GSE1: variants seen among roughly 807,000 people sequenced by gnomAD.
GSE1 encodes the protein genetic suppressor element 1.
In GSE1, 32 loss-of-function variants were observed where a neutral mutation model predicts 112.6. The ratio of observed to expected loss-of-function variants is 0.28; its 90% CI spans 0.21 to 0.38. The LOEUF (loss-of-function observed/expected upper bound fraction) is 0.38, where lower values mean the gene tolerates loss of function less well. GSE1 is among the 10% of genes least tolerant of loss of function. The pLI is 1.00. For synonymous variants in GSE1, 1,115 were observed against 735.6 expected (o/e 1.52, Z -8.35); for missense variants, 2,348 against 1,699.2 (o/e 1.38, Z -6.71).
intron 1 of GSE1, among the ~76,000 whole-genome samples, chr16:85,193,795 A>G (rs1358804056): frequency 6.6e-6 from 1 of 152,168 alleles, no homozygotes; most frequent in Non-Finnish European, 1.5e-5. Flanking sequence ...ATAATTGTAG[A>G]TTGACCTGCA....
intron 2 of GSE1, among the ~76,000 whole-genome samples, chr16:85,385,829 C>T (rs1173537710): frequency 2.0e-5 from 3 of 152,170 alleles, no homozygotes; most frequent in Non-Finnish European, 2.9e-5. Context: ...AGAATGACCG[C>T]GGGTGACCCC....
At chr16:85,481,783 G>A (rs182304717) in intron 2 of GSE1, among the ~76,000 whole-genome samples, 31 of 152,336 alleles carry the variant, frequency 2.0e-4, no homozygotes, top group African/African-American at 6.0e-4. Context: ...GGTGAGAAGC[G>A]TGGAAAAGGT....
intron 2 of GSE1, among the ~76,000 whole-genome samples, chr16:85,474,453 A>G (rs2050390217): frequency 6.6e-6 from 1 of 152,050 alleles, no homozygotes; most frequent in Admixed American, 6.5e-5. Context: ...TGGGGATGCC[A>G]GAGGGGCCAT....
chr16:85,202,242 A>C (rs2075041741), intron 1 of GSE1, among the ~76,000 whole-genome samples: 1 of 152,162 alleles, frequency 6.6e-6, no homozygotes, highest in Non-Finnish European at 1.5e-5. Context: ...CCCCAGCCCC[A>C]ACTGCCTTCT....
chr16:85,522,504 G>C (rs2052221062), intron 2 of GSE1, among the ~76,000 whole-genome samples: 1 of 151,234 alleles, frequency 6.6e-6, no homozygotes, highest in South Asian at 2.1e-4. Context: ...TCGTGAGAGT[G>C]ATTGGATCCA....
chr16:85,238,719 T>C (rs28448630), intron 1 of GSE1, among the ~76,000 whole-genome samples: 1 of 152,092 alleles, frequency 6.6e-6, no homozygotes. Flanking sequence ...CTCAGCAGGG[T>C]GGGGGACCAT....
chr16:85,345,770 C>G (rs1489721535), intron 1 of GSE1, among the ~76,000 whole-genome samples: 2 of 152,224 alleles, frequency 1.3e-5, no homozygotes, highest in Non-Finnish European at 2.9e-5. Flanking sequence ...GGATTTTTAG[C>G]TGTTTTTCTT....
rs2045838680 is a variant in GSE1, at chr16:85,311,310, A to G, written c.2284-46153A>G. 6.6e-6 allele frequency among the ~76,000 whole-genome samples: 1 copy of G among 152,214 alleles called. No homozygotes were observed. The highest frequency in any genetic ancestry group is 2.1e-4 in the South Asian group (1 of 4,832). On this transcript the variant is annotated intron_variant, in intron 1 of 2. Coordinates refer to the GSE1 transcript ENST00000637419. The surrounding 1 kb of genome is among the most constrained non-coding windows in gnomAD (Gnocchi z 4.2). The stretch of plus-strand genomic sequence containing the variant: ...CTCTGCCAGGCAGCGGGCTCCCTGG[A>G]CAGGGTGGGCGTCGTTAGAGCAGAA...
At chr16:85,385,142 A>T (rs1481776545) in intron 2 of GSE1, among the ~76,000 whole-genome samples, 1 of 152,228 alleles carries the variant, frequency 6.6e-6, no homozygotes, top group African/African-American at 2.4e-5. Flanking sequence ...CCCTGGGCCG[A>T]GCCACATGGG....
intron 1 of GSE1, chr16:85,278,973 C>G (rs531192832): frequency 6.5e-6 from 1 of 153,608 alleles, no homozygotes; most frequent in East Asian, 1.9e-4. Flanking sequence ...ATGCTCAGTA[C>G]GGGAAATTGC....
chr16:85,265,679 GT>G (rs200915315), intron 1 of GSE1, among the ~76,000 whole-genome samples: 2,404 of 152,302 alleles, frequency 0.016, 25 homozygotes, highest in Middle Eastern at 0.037. Flanking sequence ...AAGACCATGT[GT>G]TTGGGGCAGG....
intron 2 of GSE1, among the ~76,000 whole-genome samples, chr16:85,444,737 C>G (rs936921778): frequency 6.6e-6 from 1 of 152,122 alleles, no homozygotes; most frequent in Non-Finnish European, 1.5e-5. Flanking sequence ...CTCCTGTGAC[C>G]CACTGAACCA....
intron 14 of GSE1, among the ~76,000 whole-genome samples, chr16:85,668,832 A>G (rs1390518490): frequency 1.3e-5 from 2 of 152,200 alleles, no homozygotes; most frequent in African/African-American, 4.8e-5. Flanking sequence ...CAGACTCCCC[A>G]CACTGCAAGG....
chr16:85,186,934 G>A (rs910225552), intron 1 of GSE1, among the ~76,000 whole-genome samples: 10 of 152,252 alleles, frequency 6.6e-5, no homozygotes, highest in Non-Finnish European at 1.2e-4. Context: ...TCTGACGGGT[G>A]TACCAGGGAA....
intron 1 of GSE1, among the ~76,000 whole-genome samples, chr16:85,250,525 A>G (rs898523111): frequency 6.6e-6 from 1 of 152,228 alleles, no homozygotes; most frequent in African/African-American, 2.4e-5. Flanking sequence ...GGAGACCCCA[A>G]GCACCTTTAT....
At chr16:85,600,587 A>AACAC (rs771929185) in intron 1 of GSE1, among the ~76,000 whole-genome samples, 93 of 146,558 alleles carry the variant, frequency 6.3e-4, no homozygotes, top group Non-Finnish European at 1.0e-3. Flanking sequence ...ACACACCCCA[A>AACAC]ACACACACAC....
chr16:85,385,855 C>G (rs887817324), intron 2 of GSE1, among the ~76,000 whole-genome samples: 2 of 152,216 alleles, frequency 1.3e-5, no homozygotes, highest in African/African-American at 4.8e-5. Flanking sequence ...CAGGACGGCT[C>G]CAGCTCCAGC....
intron 2 of GSE1, among the ~76,000 whole-genome samples, chr16:85,430,620 C>G (rs952784439): frequency 4.6e-5 from 7 of 152,334 alleles, no homozygotes; most frequent in Admixed American, 2.6e-4. Flanking sequence ...CACTTGGGAG[C>G]TGCATGGAAC....
intron 2 of GSE1, among the ~76,000 whole-genome samples, chr16:85,636,061 C>A (rs1313550803): frequency 6.6e-6 from 1 of 152,236 alleles, no homozygotes; most frequent in African/African-American, 2.4e-5. Flanking sequence ...TGGCCAGGAA[C>A]AAAGTGCCGC....
Sources: allele counts gnomAD v4.1 joint callset (sites outside exome capture counted in the v4.1 genomes callset), GRCh38; gene constraint gnomAD v4.1.1; non-coding constraint Gnocchi (gnomAD v3.1); transcripts MANE v1.5; gene names NCBI Gene and HGNC (gene_info 2026-07-23, HGNC 2026-07-21).